GDAP1: variants seen among roughly 807,000 people sequenced by gnomAD.
GDAP1 encodes ganglioside induced differentiation associated protein 1, also known as ganglioside-induced differentiation-associated protein 1.
GDAP1 carries 34 observed loss-of-function variants against 40.1 expected under a neutral mutation model. The ratio of observed to expected loss-of-function variants is 0.85; its 90% CI spans 0.64 to 1.13. The LOEUF (loss-of-function observed/expected upper bound fraction) is 1.13, where lower values mean the gene tolerates loss of function less well. Ranked by LOEUF, GDAP1 falls within the 50% of genes most tolerant of loss-of-function variation. The pLI is 0.00. For synonymous variants in GDAP1, 170 were observed against 157.4 expected, an observed-to-expected ratio of 1.08 and a Z score of -0.60; for missense variants, 374 against 433.7, an observed-to-expected ratio of 0.86 and a Z score of 1.22.
At chr8:74,389,331 A>G (rs757267374) in intron 2 of GDAP1, among the ~76,000 whole-genome samples, 3 of 151,874 alleles carry the variant, frequency 2.0e-5, no homozygotes, top group Non-Finnish European at 2.9e-5. Context: ...TCCTTTCCAT[A>G]TTTAGTACTT....
intron 2 of GDAP1, among the ~76,000 whole-genome samples, chr8:74,378,068 T>C (rs1419251897): frequency 6.6e-6 from 1 of 152,236 alleles, no homozygotes; most frequent in East Asian, 1.9e-4. Context: ...CCCAGAGCCC[T>C]GAACTTGTCC....
chr8:74,399,298 A>T (rs1810274664), intron 2 of GDAP1, among the ~76,000 whole-genome samples: 1 of 149,832 alleles, frequency 6.7e-6, no homozygotes, highest in Non-Finnish European at 1.5e-5. Flanking sequence ...GTGTCAAGGG[A>T]TTTATCCATT....
rs184339918 is a variant in GDAP1 at position 74,379,052 on chromosome 8, G to A, written c.165+27731G>A. Among the ~76,000 whole-genome samples the A allele has an allele frequency of 4.6e-5, 7 of 150,924 alleles. No individual in the cohort carries two copies. In the East Asian group the frequency reaches 1.4e-3, roughly 30 times the overall value. On this transcript the variant is annotated intron_variant, in intron 2 of 2. Transcript: ENST00000523640. Reference sequence around the variant, plus strand: ...CTCTTGGCCCTATGGACTCTTACAGGGAGGGTTTTTGTTGGAGGCTGGAGC... The same window carrying A: ...CTCTTGGCCCTATGGACTCTTACAGAGAGGGTTTTTGTTGGAGGCTGGAGC...
At chr8:74,417,644 C>T (rs1468810373) in intron 2 of GDAP1, among the ~76,000 whole-genome samples, 2 of 148,386 alleles carry the variant, frequency 1.3e-5, no homozygotes, top group Non-Finnish European at 2.9e-5. Flanking sequence ...GTAAGCCCAA[C>T]TACTCGGGAG....
intron 2 of GDAP1, among the ~76,000 whole-genome samples, chr8:74,483,074 T>A (rs1055548978): frequency 6.6e-6 from 1 of 152,172 alleles, no homozygotes; most frequent in Non-Finnish European, 1.5e-5. Flanking sequence ...TTCTACTTTA[T>A]GAGGTTGTTT....
In GDAP1 at chr8:74,426,668, C is replaced by T. The variant is rs76283357; in HGVS notation, c.166-62010C>T. On this transcript the variant is annotated intron_variant, in intron 2 of 2. Transcript: ENST00000523640. Reference sequence around the variant, plus strand: ...TTAGATTGAATGCTGGCTAGAAGAGCCTTTTTCTAATACTTAGATATCTTT... The same window carrying T: ...TTAGATTGAATGCTGGCTAGAAGAGTCTTTTTCTAATACTTAGATATCTTT... Among the ~76,000 whole-genome samples the T allele has an allele frequency of 1.6e-4, 24 of 152,244 alleles. No individual in the cohort carries two copies. The East Asian group carries it at 4.6e-3, about 29-fold the overall frequency.
At chr8:74,406,955 C>T (rs7014472) in intron 2 of GDAP1, among the ~76,000 whole-genome samples, 2,419 of 149,744 alleles carry the variant, frequency 0.016, 318 homozygotes, top group African/African-American at 0.059. Context: ...ATCAGGCCCA[C>T]CAAGAGTTTC....
At chr8:74,437,017 A>G (rs1173453144) in intron 2 of GDAP1, among the ~76,000 whole-genome samples, 1 of 152,234 alleles carries the variant, frequency 6.6e-6, no homozygotes, top group Non-Finnish European at 1.5e-5. Context: ...TACAAGGTAG[A>G]TATGGCTGGA....
chr8:74,445,852 C>T (rs777016371), intron 2 of GDAP1, among the ~76,000 whole-genome samples: 4 of 152,240 alleles, frequency 2.6e-5, no homozygotes, highest in Non-Finnish European at 5.9e-5. Context: ...TCAAATCAGA[C>T]GCAATCATGA....
At chr8:74,398,863 G>A (rs575992747) in intron 2 of GDAP1, among the ~76,000 whole-genome samples, 514 of 152,036 alleles carry the variant, frequency 3.4e-3, no homozygotes, top group Non-Finnish European at 5.3e-3. Context: ...ATTGATTTGC[G>A]TATATTGAAC....
chr8:74,406,410 C>A (rs1262305486), intron 2 of GDAP1, among the ~76,000 whole-genome samples: 1 of 150,250 alleles, frequency 6.7e-6, no homozygotes, highest in Non-Finnish European at 1.5e-5. Context: ...GCCCTATAAA[C>A]ACACATGCAC....
chr8:74,396,345 T>C (rs555532210), intron 2 of GDAP1, among the ~76,000 whole-genome samples: 1 of 151,700 alleles, frequency 6.6e-6, no homozygotes, highest in Non-Finnish European at 1.5e-5. Context: ...AGTTCTTCCT[T>C]CCTTTTATTT....
intron 2 of GDAP1, among the ~76,000 whole-genome samples, chr8:74,399,203 A>C (rs183416700): frequency 4.9e-4 from 69 of 140,632 alleles, no homozygotes; most frequent in Admixed American, 3.3e-3. Context: ...TTGGTAAGCT[A>C]TTGATTATTC....
At chr8:74,387,582 C>G (rs1287743036) in intron 2 of GDAP1, among the ~76,000 whole-genome samples, 1 of 152,180 alleles carries the variant, frequency 6.6e-6, no homozygotes, top group South Asian at 2.1e-4. Context: ...ATTTGGTTTG[C>G]CAGTATTTTA....
intron 2 of GDAP1, among the ~76,000 whole-genome samples, chr8:74,422,337 CTTTCTTTCTTTCTTCCCTTCCTT>C (rs1563465427): frequency 3.0e-3 from 169 of 55,900 alleles, no homozygotes; most frequent in African/African-American, 0.01. Flanking sequence ...TTCTTTCTTT[CTTTCTTTCTTTCTTCCCTTCCTT>C]CCTTCCTTCC....
At chr8:74,419,611 C>G (rs1805830626) in intron 2 of GDAP1, among the ~76,000 whole-genome samples, 1 of 152,134 alleles carries the variant, frequency 6.6e-6, no homozygotes, top group South Asian at 2.1e-4. Context: ...TTCCTACACC[C>G]TGTAGGTTGC....
intron 2 of GDAP1, among the ~76,000 whole-genome samples, chr8:74,465,433 C>T (rs1189180368): frequency 1.3e-5 from 2 of 151,988 alleles, no homozygotes; most frequent in Non-Finnish European, 2.9e-5. Context: ...TGCTGGTCTC[C>T]CTTCCCTTCC....
At position 74,350,490 on chromosome 8, in the gene GDAP1, G is replaced by T. The variant is rs751689824; in HGVS notation, c.29G>T (p.Gly10Val). 1.2e-6 allele frequency: 2 copies of T among 1,613,122 alleles called. No homozygotes were observed. Among genetic ancestry groups the T allele is most frequent in the Admixed American group, 3.3e-5 (2 of 60,034 alleles). Residue 10 changes from glycine to valine, a missense_variant, in exon 1 of 6, where the codon GGG (glycine) becomes GTG (valine). Transcript: ENST00000220822. ...GCTGAGAGGCAGGAAGAGCAGAGAGGGAGCCCGCCCTTGAGGGCGGAAGGC... is the reference window on the plus strand; with the variant it reads ...GCTGAGAGGCAGGAAGAGCAGAGAGTGAGCCCGCCCTTGAGGGCGGAAGGC... Reference protein sequence around the residue: MAERQEEQRGSPPLRAEGKA... With the variant: MAERQEEQRVSPPLRAEGKA...
chr8:74,474,231 T>A (rs1409831218), intron 2 of GDAP1, among the ~76,000 whole-genome samples: 1 of 152,198 alleles, frequency 6.6e-6, no homozygotes, highest in Non-Finnish European at 1.5e-5. Context: ...AATCATGTCA[T>A]CTGGAAACAA....
Sources: allele counts gnomAD v4.1 joint callset (sites outside exome capture counted in the v4.1 genomes callset), GRCh38; gene constraint gnomAD v4.1.1; transcripts MANE v1.5; gene names NCBI Gene and HGNC (gene_info 2026-07-23, HGNC 2026-07-21).